The following GALNTL6 variants were observed in gnomAD, a reference collection of about 807,000 sequenced individuals.
GALNTL6 encodes polypeptide N-acetylgalactosaminyltransferase like 6, also known as polypeptide N-acetylgalactosaminyltransferase-like 6.
In GALNTL6, 46 loss-of-function variants were observed where a neutral mutation model predicts 73.7. The ratio of observed to expected loss-of-function variants is 0.62; its 90% confidence interval spans 0.49 to 0.80. The LOEUF is 0.80. GALNTL6 is among the 30% of genes least tolerant of loss of function. The probability of loss-of-function intolerance (pLI) is 0.00; values close to 1 mark genes in which losing one functional copy is unlikely to be tolerated. For synonymous variants in GALNTL6, 259 were observed against 263.7 expected (o/e 0.98, Z 0.17); for missense variants, 604 against 755.0 (o/e 0.80, Z 2.34).
In GALNTL6 at chr4:171,834,484, A is replaced by T. The variant is rs115624609; in HGVS notation, c.138+19766A>T. 2.8e-3 allele frequency among the ~76,000 whole-genome samples: 422 copies of T among 152,088 alleles called. 4 individuals are homozygous for T. Among genetic ancestry groups the T allele is most frequent in the African/African-American group, 9.7e-3 (402 of 41,542 alleles). ...GATTGATTGGCCTGATAAATTTAGGATACTGACCCTGGTAAACACTTCAAA... is the reference window on the plus strand; with the variant it reads ...GATTGATTGGCCTGATAAATTTAGGTTACTGACCCTGGTAAACACTTCAAA... On this transcript the variant is annotated intron_variant, in intron 2 of 12. Coordinates refer to ENST00000506823, the MANE Select transcript of GALNTL6 (RefSeq NM_001034845.3).
At chr4:172,338,977 C>G (rs1741444952) in intron 4 of GALNTL6, among the ~76,000 whole-genome samples, 1 of 152,106 alleles carries the variant, frequency 6.6e-6, no homozygotes, top group African/African-American at 2.4e-5. Context: ...GAGAGGGCCT[C>G]ACTTCACATG....
intron 2 of GALNTL6, among the ~76,000 whole-genome samples, chr4:172,202,982 A>C (rs1281822757): frequency 2.0e-5 from 3 of 152,214 alleles, no homozygotes; most frequent in Non-Finnish European, 4.4e-5. Flanking sequence ...GTTGAATTTG[A>C]TTACAGATAG....
intron 2 of GALNTL6, among the ~76,000 whole-genome samples, chr4:172,102,110 G>A (rs908534516): frequency 6.6e-6 from 1 of 152,088 alleles, no homozygotes; most frequent in Non-Finnish European, 1.5e-5. Flanking sequence ...TGAAAACTTC[G>A]GTTGTAAGCA....
chr4:172,065,990 G>A (rs991939018), intron 2 of GALNTL6, among the ~76,000 whole-genome samples: 2 of 152,166 alleles, frequency 1.3e-5, no homozygotes, highest in Non-Finnish European at 2.9e-5. Context: ...TTCAAGGTGA[G>A]ATTTGGGTGG....
At chr4:171,868,171 T>C (rs1270132771) in intron 2 of GALNTL6, among the ~76,000 whole-genome samples, 1 of 151,968 alleles carries the variant, frequency 6.6e-6, no homozygotes, top group African/African-American at 2.4e-5. Context: ...TTTCTTTTAG[T>C]AGAGAAAGAT....
At chr4:172,251,905 T>TA (rs928287546) in intron 3 of GALNTL6, among the ~76,000 whole-genome samples, 1 of 151,868 alleles carries the variant, frequency 6.6e-6, no homozygotes, top group African/African-American at 2.4e-5. Context: ...AATGAAACTA[T>TA]AAAAAAAGAC....
intron 2 of GALNTL6, among the ~76,000 whole-genome samples, chr4:172,040,953 A>G (rs955351463): frequency 5.9e-5 from 9 of 152,138 alleles, no homozygotes; most frequent in African/African-American, 1.4e-4. Flanking sequence ...GTGTTATTAC[A>G]TATTATATTG....
intron 2 of GALNTL6, among the ~76,000 whole-genome samples, chr4:172,131,500 T>G (rs1733496831): frequency 6.7e-6 from 1 of 148,284 alleles, no homozygotes. Context: ...CATATATATT[T>G]TATATATGTG....
intron 2 of GALNTL6, among the ~76,000 whole-genome samples, chr4:172,156,590 T>G (rs1419858282): frequency 7.3e-6 from 1 of 137,826 alleles, no homozygotes; most frequent in Non-Finnish European, 1.6e-5. Context: ...ATATAGTATA[T>G]TGTACTTCTC....
intron 2 of GALNTL6, among the ~76,000 whole-genome samples, chr4:172,037,907 CAGG>C (rs895826568): frequency 6.6e-5 from 10 of 151,962 alleles, no homozygotes; most frequent in African/African-American, 2.4e-4. Flanking sequence ...TACCTAAGGT[CAGG>C]AGTTTGAGAC....
chr4:172,673,826 AT>A (rs1236573103), intron 5 of GALNTL6, among the ~76,000 whole-genome samples: 2 of 151,854 alleles, frequency 1.3e-5, no homozygotes, highest in African/African-American at 4.8e-5. Flanking sequence ...TGCTTGTTGG[AT>A]TTTTCTCCCT....
At chr4:171,947,483 C>T (rs529706697) in intron 2 of GALNTL6, among the ~76,000 whole-genome samples, 1 of 151,758 alleles carries the variant, frequency 6.6e-6, no homozygotes, top group African/African-American at 2.4e-5. Context: ...TCACTTCTTT[C>T]TCTTTTAGAT....
chr4:172,168,130 AG>A lies in GALNTL6; in HGVS notation c.139-61525del, dbSNP rs375896718. Among the ~76,000 whole-genome samples the A allele has an allele frequency of 3.3e-3, 504 of 152,376 alleles. 2 individuals carry two copies. Among genetic ancestry groups the A allele is most frequent in the African/African-American group, 0.011 (478 of 41,590 alleles). On this transcript the variant is annotated intron_variant, in intron 2 of 12. Transcript: ENST00000506823. ...GTCTGGAAAGTGTCTGCCATATACAAGCCAACCCTAATTAGTTTTAAGCCTT... is the reference window on the plus strand; with the variant it reads ...GTCTGGAAAGTGTCTGCCATATACAACCAACCCTAATTAGTTTTAAGCCTT...
At chr4:172,522,313 C>T (rs928318187) in intron 5 of GALNTL6, among the ~76,000 whole-genome samples, 17 of 152,038 alleles carry the variant, frequency 1.1e-4, no homozygotes, top group African/African-American at 4.1e-4. Flanking sequence ...TATTTGCATT[C>T]TCTTAGTTGA....
At chr4:172,633,433 T>C (rs924359772) in intron 5 of GALNTL6, among the ~76,000 whole-genome samples, 1 of 152,220 alleles carries the variant, frequency 6.6e-6, no homozygotes, top group East Asian at 1.9e-4. Flanking sequence ...TGCATGGGGC[T>C]GGTAGCCCCT....
At chr4:172,049,607 G>T (rs558606935) in intron 2 of GALNTL6, among the ~76,000 whole-genome samples, 1 of 152,118 alleles carries the variant, frequency 6.6e-6, no homozygotes, top group Non-Finnish European at 1.5e-5. Flanking sequence ...TCTATTTTAC[G>T]TGGCTTCTCA....
At chr4:172,292,628 T>A (rs1393147522) in intron 3 of GALNTL6, among the ~76,000 whole-genome samples, 1 of 152,118 alleles carries the variant, frequency 6.6e-6, no homozygotes, top group Non-Finnish European at 1.5e-5. Flanking sequence ...GCTGATAACC[T>A]ATAGTTATTA....
chr4:172,573,982 C>T (rs1736864209), intron 5 of GALNTL6, among the ~76,000 whole-genome samples: 1 of 152,128 alleles, frequency 6.6e-6, no homozygotes, highest in South Asian at 2.1e-4. Context: ...GTTTCTCATA[C>T]TTCTCCACTA....
intron 2 of GALNTL6, among the ~76,000 whole-genome samples, chr4:172,107,717 C>T (rs1732718371): frequency 6.7e-6 from 1 of 150,278 alleles, no homozygotes; most frequent in South Asian, 2.1e-4. Flanking sequence ...AGGAGATATA[C>T]CTAATGTTAA....
Sources: allele counts gnomAD v4.1 joint callset (sites outside exome capture counted in the v4.1 genomes callset), GRCh38; gene constraint gnomAD v4.1.1; transcripts MANE v1.5; gene names NCBI Gene and HGNC (gene_info 2026-07-23, HGNC 2026-07-21).